Variants in CUX2 observed in about 807,000 individuals in gnomAD.
CUX2 encodes homeobox protein cut-like 2.
In CUX2, 40 loss-of-function variants were observed where a neutral mutation model predicts 144.8. The ratio of observed to expected loss-of-function variants is 0.28; its 90% CI spans 0.21 to 0.36. The LOEUF is 0.36. Ranked by LOEUF, CUX2 falls within the 10% of genes least tolerant of loss-of-function variation. CUX2 has a pLI of 1.00. For synonymous variants in CUX2, 827 were observed against 875.6 expected (o/e 0.94, Z 0.98); for missense variants, 1,615 against 1,994.0 (o/e 0.81, Z 3.62).
chr12:111,253,279 G>A (rs1379500220), intron 3 of CUX2, among the ~76,000 whole-genome samples: 18 of 132,514 alleles, frequency 1.4e-4, no homozygotes, highest in African/African-American at 6.1e-4. Flanking sequence ...CTGGGCCCTC[G>A]CAGTGACCCC....
At chr12:111,296,878 A>T (rs1180794299) in intron 8 of CUX2, among the ~76,000 whole-genome samples, 4 of 65,218 alleles carry the variant, frequency 6.1e-5, no homozygotes, top group Non-Finnish European at 9.6e-5. Flanking sequence ...ACACGCCTCC[A>T]CCCTCTGGCC....
chr12:111,311,294 C>CTT (rs567374190), intron 15 of CUX2, among the ~76,000 whole-genome samples: 3 of 147,422 alleles, frequency 2.0e-5, no homozygotes, highest in African/African-American at 7.4e-5. Flanking sequence ...GTCATCATTT[C>CTT]TTTTTTTTTT....
chr12:111,291,758 T>C (rs781772676), intron 5 of CUX2, among the ~76,000 whole-genome samples: 1 of 152,142 alleles, frequency 6.6e-6, no homozygotes, highest in Non-Finnish European at 1.5e-5. Context: ...CCTGCCCTTG[T>C]GGTGATGATC....
chr12:111,099,592 C>T lies in CUX2; in HGVS notation c.63+65352C>T, dbSNP rs565490286. 1.0e-4 allele frequency: 47 copies of T among 456,740 alleles called. No homozygotes were observed. The East Asian group carries it at 1.1e-3, about 11-fold the overall frequency. The allele number at this position is 456,740 out of a possible 1,614,324, so 28.3% of individuals were successfully genotyped here. On this transcript the variant is annotated intron_variant, in intron 1 of 21. Transcript: ENST00000261726. ...AAAGCCACCATCCTCATGTGTAGCC[C>T]TCACATGGGAGAACAGGATTGGACC...
At chr12:111,196,501 G>A (rs1459009783) in intron 1 of CUX2, among the ~76,000 whole-genome samples, 1 of 152,162 alleles carries the variant, frequency 6.6e-6, no homozygotes, top group East Asian at 1.9e-4. Flanking sequence ...GTTGATATTT[G>A]AGGTTGCATT....
At chr12:111,104,842 G>A (rs1301734222) in intron 1 of CUX2, among the ~76,000 whole-genome samples, 1 of 152,144 alleles carries the variant, frequency 6.6e-6, no homozygotes, top group Non-Finnish European at 1.5e-5. Context: ...TGACCTTGAC[G>A]CCTTTCAGGA....
chr12:111,224,699 C>T (rs1882038075), intron 3 of CUX2, among the ~76,000 whole-genome samples: 1 of 151,998 alleles, frequency 6.6e-6, no homozygotes, highest in South Asian at 2.1e-4. Context: ...GCAGTTCTGA[C>T]AGCAGGGGAG....
In CUX2 at chr12:111,349,615, C is replaced by T. The variant is rs749386833; in HGVS notation, c.*1290C>T. The T allele has an allele frequency of 3.9e-5, 6 of 152,184 alleles. No homozygotes were observed. The highest frequency in any genetic ancestry group is 5.9e-5 in the Non-Finnish European group (4 of 68,042). The allele number at this position is 152,184 out of a possible 1,614,324, so 9.4% of individuals were successfully genotyped here. A position where few individuals can be genotyped will look rare whatever the true frequency, so the allele number is the denominator to read the frequency against. On this transcript the variant is annotated 3_prime_UTR_variant, in exon 22 of 22. Transcript: ENST00000261726. ...CCAAATCTATCCTCCTACCTTCCAACGCATGACCTGTTGGGGAGCAGAGAC... is the reference window on the plus strand; with the variant it reads ...CCAAATCTATCCTCCTACCTTCCAATGCATGACCTGTTGGGGAGCAGAGAC...
chr12:111,039,546 T>A lies in CUX2; in HGVS notation c.63+5306T>A, dbSNP rs1869636678. 6.6e-6 allele frequency among the ~76,000 whole-genome samples: 1 copy of A among 152,142 alleles called. No individual in the cohort carries two copies. The highest frequency in any genetic ancestry group is 6.5e-5 in the Admixed American group (1 of 15,278). ...TGTGGGTCACTTAAATGCATTGTCT[T>A]CTTCTTTTTTGTTTTTTCAAGATGG... On this transcript the variant is annotated intron_variant, in intron 1 of 21. Transcript: ENST00000261726. This position sits in a 1 kb window ranked among gnomAD's most constrained non-coding sequence, Gnocchi z 4.2.
intron 3 of CUX2, among the ~76,000 whole-genome samples, chr12:111,230,533 C>T (rs1224157451): frequency 6.6e-6 from 1 of 152,196 alleles, no homozygotes; most frequent in Non-Finnish European, 1.5e-5. Flanking sequence ...GACCTCAGAG[C>T]CCACTGGCTT....
chr12:111,187,446 C>T (rs1010190134), intron 1 of CUX2, among the ~76,000 whole-genome samples: 8 of 152,116 alleles, frequency 5.3e-5, no homozygotes, highest in Middle Eastern at 6.8e-3. Context: ...TGTGAAATTG[C>T]AGCTCTCTAC....
chr12:111,061,178 GCACACACACACACA>G lies in CUX2; in HGVS notation c.63+26963_63+26976del, dbSNP rs10525230. Among the ~76,000 whole-genome samples the G allele has an allele frequency of 7.0e-5, 10 of 143,726 alleles. No homozygotes were observed. The highest frequency in any genetic ancestry group is 2.8e-4 in the Admixed American group (4 of 14,502). The allele number at this position is 143,726 out of a possible 152,430, so 94.3% of individuals were successfully genotyped here. ...TGTCCCCAGATGTGTGCATGCATAT[GCACACACACACACA>G]CACACACACACACACACACACACAG... On this transcript the variant is annotated intron_variant, in intron 1 of 21. Transcript: ENST00000261726. The surrounding 1 kb of genome is among the most constrained non-coding windows in gnomAD (Gnocchi z 4.2).
rs1871127748 is a variant in CUX2, at chr12:111,068,777, C to T, written c.63+34537C>T. On this transcript the variant is annotated intron_variant, in intron 1 of 21. Transcript: ENST00000261726. This position sits in a 1 kb window ranked among gnomAD's most constrained non-coding sequence, Gnocchi z 4.9. ...GTGCCGGTAATGCCCCCATGGCCCTCCTGTTGGACAGGAGGGGAAAATCTC... is the reference window on the plus strand; with the variant it reads ...GTGCCGGTAATGCCCCCATGGCCCTTCTGTTGGACAGGAGGGGAAAATCTC... Among the ~76,000 whole-genome samples the T allele has an allele frequency of 6.6e-6, 1 of 152,306 alleles. No individual in the cohort carries two copies. Among genetic ancestry groups the T allele is most frequent in the East Asian group, 1.9e-4 (1 of 5,174 alleles).
Position 111,175,485 on chromosome 12 carries a change from C to T in CUX2, c.64-38715C>T, listed in dbSNP as rs550988916. On this transcript the variant is annotated intron_variant, in intron 1 of 21. Transcript: ENST00000261726. ...GGCTTTCTGATTACTGGGAAATGGTCAAGTGACATCATAAATTTATAGAGC... is the reference window on the plus strand; with the variant it reads ...GGCTTTCTGATTACTGGGAAATGGTTAAGTGACATCATAAATTTATAGAGC... Among the ~76,000 whole-genome samples the T allele has an allele frequency of 5.9e-5, 9 of 152,080 alleles. No homozygotes were observed. The South Asian group carries it at 1.9e-3, about 32-fold the overall frequency.
intron 1 of CUX2, among the ~76,000 whole-genome samples, chr12:111,084,435 C>CT (rs1202282387): frequency 2.6e-5 from 4 of 151,860 alleles, no homozygotes; most frequent in Admixed American, 2.6e-4. Flanking sequence ...AGAAAGCAAA[C>CT]TTTAACTTTT....
intron 9 of CUX2, among the ~76,000 whole-genome samples, chr12:111,303,125 A>G (rs540495787): frequency 1.4e-5 from 2 of 141,472 alleles, no homozygotes; most frequent in Admixed American, 1.4e-4. Context: ...GGAGGCTGAG[A>G]TGGGAGGATC....
intron 4 of CUX2, among the ~76,000 whole-genome samples, chr12:111,278,626 C>G (rs1235082330): frequency 1.3e-5 from 2 of 152,166 alleles, no homozygotes; most frequent in African/African-American, 4.8e-5. Flanking sequence ...ATGTGAAGAG[C>G]CAGAGCAGGA....
rs549185619 is a variant in CUX2, at chr12:111,039,301, T to G, written c.63+5061T>G. Among the ~76,000 whole-genome samples, 8 of 152,082 alleles carry G rather than the reference T, an allele frequency of 5.3e-5. No homozygotes were observed. On this transcript the variant is annotated intron_variant, in intron 1 of 21. Transcript: ENST00000261726. The surrounding 1 kb of genome is among the most constrained non-coding windows in gnomAD (Gnocchi z 4.2). ...CTGTTTGATATTTTTCCTCTGGGGG[T>G]GCTCATTATTTATGATGGTGTCATA... is the stretch of plus-strand genomic sequence containing the variant.
In CUX2 at chr12:111,251,601, T is replaced by C. The variant is rs548255209; in HGVS notation, c.223-12160T>C. 5.3e-5 allele frequency among the ~76,000 whole-genome samples: 8 copies of C among 152,212 alleles called. No homozygotes were observed. The East Asian group carries it at 5.8e-4, about 11-fold the overall frequency. ...CTCCGGGAGCCTGACATAAATGCAT[T>C]TGGGGGATTGTATTATGTTGGATCA... On this transcript the variant is annotated intron_variant, in intron 3 of 21. Transcript: ENST00000261726.
Sources: allele counts gnomAD v4.1 joint callset (sites outside exome capture counted in the v4.1 genomes callset), GRCh38; gene constraint gnomAD v4.1.1; non-coding constraint Gnocchi (gnomAD v3.1); transcripts MANE v1.5; gene names NCBI Gene and HGNC (gene_info 2026-07-23, HGNC 2026-07-21).